Variants in NEB observed in about 807,000 individuals in gnomAD.
NEB encodes nebulin, also known as nemaline myopathy type 2.
Under a neutral mutation model 952.2 loss-of-function variants are expected in NEB, and 512 were observed. That is an observed-to-expected ratio of 0.54 (90% CI 0.50 to 0.58). The LOEUF is 0.58. Among genes scored for constraint, NEB ranks in the 20% least tolerant of loss-of-function variants. The pLI is 0.00. For synonymous variants in NEB, 2,900 were observed against 3,149.8 expected, an observed-to-expected ratio of 0.92 and a Z score of 2.66; for missense variants, 8,428 against 9,231.1, an observed-to-expected ratio of 0.91 and a Z score of 3.56.
chr2:151,521,858 GCCTT>G (rs1266072865), intron 153 of NEB, among the ~76,000 whole-genome samples: 3 of 152,112 alleles, frequency 2.0e-5, no homozygotes, highest in Non-Finnish European at 4.4e-5. Flanking sequence ...AGCACTTTTG[GCCTT>G]CCTTTTTGAC....
intron 24 of NEB, 129 bp from the exon 25 acceptor site, chr2:151,688,525 G>A (rs1043579463): frequency 5.7e-6 from 4 of 702,130 alleles, no homozygotes; most frequent in Admixed American, 2.1e-5. Flanking sequence ...TTCAGTCAAA[G>A]TCTCGCACAG....
Position 151,485,923 on chromosome 2 carries a change from C to T in NEB, c.25415G>A (p.Arg8472His), listed in dbSNP as rs368346105. The T allele has an allele frequency of 6.0e-5, 97 of 1,613,482 alleles. No individual in the cohort carries two copies. The highest frequency in any genetic ancestry group is 7.5e-5 in the Non-Finnish European group (89 of 1,179,754). Residue 8472 changes from arginine (R) to histidine (H), a missense_variant, in exon 182 of 182, where the codon CGT (arginine) becomes CAT (histidine). Physicochemically the swap from Arg to His is conservative, Grantham distance 29. Transcript: ENST00000397345. ...SHPSTAGKIF[R>H]AMYDYMAADA... Reference sequence around the variant, plus strand: ...AGCAGCCATATAGTCATACATGGCACGGAAGATTTTCTATTCGTGGGGATG... The same window carrying T: ...AGCAGCCATATAGTCATACATGGCATGGAAGATTTTCTATTCGTGGGGATG...
At chr2:151,649,348 T>C (rs1045855276) in intron 54 of NEB, among the ~76,000 whole-genome samples, 12 of 152,150 alleles carry the variant, frequency 7.9e-5, no homozygotes, top group African/African-American at 2.2e-4. Flanking sequence ...TATGGGCTTA[T>C]ATATTATATA....
intron 71 of NEB, 108 bp downstream of exon 71, chr2:151,625,426 C>T (rs2098504412): frequency 5.4e-6 from 4 of 745,764 alleles, no homozygotes; most frequent in Non-Finnish European, 8.1e-6. Context: ...GCATAAAAAG[C>T]CAACTAAGCT....
In NEB at chr2:151,546,305, GTGCGGGGGGTAATTATGCAT is replaced by G; in HGVS notation, c.20466+20_20466+39del. The G allele has an allele frequency of 6.6e-7, 1 of 1,505,664 alleles. No individual in the cohort carries two copies. The highest frequency in any genetic ancestry group is 9.2e-7 in the Non-Finnish European group (1 of 1,090,216). 93.3% of individuals were successfully genotyped at this position (1,505,664 alleles called of 1,614,324 possible). Reference sequence around the variant, plus strand: ...AGGCTGGTGATGGGGGCATCCAGCTGTGCGGGGGGTAATTATGCATTGTGATGATGTGCACTCACCCAGAG... The same window carrying G: ...AGGCTGGTGATGGGGGCATCCAGCTGTGTGATGATGTGCACTCACCCAGAG... On this transcript the variant is annotated intron_variant, in intron 134 of 181. Coordinates refer to ENST00000397345, the MANE Select transcript of NEB (RefSeq NM_001164508.2).
intron 131 of NEB, 65 bp from the exon 132 acceptor site, chr2:151,547,803 T>C: frequency 1.9e-6 from 2 of 1,061,628 alleles, no homozygotes; most frequent in Non-Finnish European, 2.8e-6. Context: ...TACTGACTAA[T>C]CAAGAATAAA....
intron 73 of NEB, among the ~76,000 whole-genome samples, chr2:151,619,040 A>G (rs535523032): frequency 1.2e-3 from 178 of 152,354 alleles, no homozygotes; most frequent in Admixed American, 2.6e-3. Context: ...TTTTCCCATC[A>G]GTAAGTATAA....
At chr2:151,502,962 G>T in intron 166 of NEB, 77 bp from the exon 167 acceptor site, 1 of 844,322 alleles carries the variant, frequency 1.2e-6, no homozygotes, top group South Asian at 1.6e-5. Context: ...ATGGGGGAAG[G>T]GGTTATATGT....
intron 138 of NEB, among the ~76,000 whole-genome samples, chr2:151,539,645 G>A (rs1182253697): frequency 6.6e-6 from 1 of 152,140 alleles, no homozygotes; most frequent in East Asian, 1.9e-4. Context: ...AACCCGTAAG[G>A]ATTGGCTATT....
intron 37 of NEB, among the ~76,000 whole-genome samples, chr2:151,671,740 T>C (rs1225804269): frequency 1.3e-5 from 2 of 152,236 alleles, no homozygotes; most frequent in Non-Finnish European, 2.9e-5. Flanking sequence ...ACCTAGGCTA[T>C]GCTTGAGCTC....
intron 12 of NEB, 100 bp from the exon 13 acceptor site, chr2:151,707,097 T>C (rs1393942613): frequency 1.4e-6 from 1 of 732,174 alleles, no homozygotes; most frequent in Non-Finnish European, 2.2e-6. Context: ...ATTTTCTCTT[T>C]AGAAAAATGG....
chr2:151,640,861 A>G (rs2098838077), intron 60 of NEB, among the ~76,000 whole-genome samples, 195 bp from the exon 61 acceptor site: 1 of 151,954 alleles, frequency 6.6e-6, no homozygotes, highest in Non-Finnish European at 1.5e-5. Flanking sequence ...TATAAAATAT[A>G]TACCATATAG....
intron 105 of NEB, among the ~76,000 whole-genome samples, chr2:151,578,211 GC>G (rs1430855484): frequency 1.3e-5 from 2 of 151,922 alleles, no homozygotes; most frequent in Admixed American, 1.3e-4. Context: ...AGTTTGAAGG[GC>G]GGAAAATACG....
chr2:151,531,231 A>G, intron 144 of NEB, 130 bp from the exon 145 acceptor site: 1 of 653,600 alleles, frequency 1.5e-6, no homozygotes, highest in Non-Finnish European at 2.7e-6. Context: ...AGGTGCTTTC[A>G]TGCTCTCTGC....
Position 151,525,961 on chromosome 2 carries a change from A to G in NEB, c.22158T>C (p.Ser7386=), listed in dbSNP as rs1393718783. 6.2e-7 allele frequency: 1 copy of G among 1,612,852 alleles called. No individual in the cohort carries two copies. Among genetic ancestry groups the G allele is most frequent in the South Asian group, 1.1e-5 (1 of 91,050 alleles). The part of the protein sequence containing the change: ...VHVKEVTKHV[S]DTNYKKKFVK... ...AGACCGGTGGTTGATCACTTACATC[A>G]CTGACATGCTTGGTCACTTCCTTGA... Residue 7386 remains serine (S), a synonymous_variant, in exon 150 of 182, where the codon AGT becomes AGC. Coordinates refer to ENST00000397345, the MANE Select transcript of NEB (RefSeq NM_001164508.2).
At chr2:151,704,522 C>A (rs1285426979) in intron 13 of NEB, among the ~76,000 whole-genome samples, 4 of 149,362 alleles carry the variant, frequency 2.7e-5, no homozygotes, top group South Asian at 2.1e-4. Context: ...ACTCCGTGGG[C>A]GTAGGACCCT....
In NEB at chr2:151,498,089, TAAA is replaced by T. The variant is rs1215126627; in HGVS notation, c.24207+168_24207+170del. 3 of 1,471,438 alleles carry T rather than the reference TAAA, an allele frequency of 2.0e-6. No homozygotes were observed. The African/African-American group carries it at 4.3e-5, about 21-fold the overall frequency. The allele number at this position is 1,471,438 out of a possible 1,614,324, so 91.1% of individuals were successfully genotyped here. A position where few individuals can be genotyped will look rare whatever the true frequency, so the allele number is the denominator to read the frequency against. ...GTTTGTTTGTAAATATCAGATGAAG[TAAA>T]AAATTGACATTAACTGTATTATAGA... On this transcript the variant is annotated intron_variant, in intron 170 of 181. Coordinates refer to ENST00000397345, the MANE Select transcript of NEB (RefSeq NM_001164508.2).
intron 169 of NEB, among the ~76,000 whole-genome samples, chr2:151,499,059 A>ATGTT (rs1490244356): frequency 6.6e-6 from 1 of 152,144 alleles, no homozygotes; most frequent in Non-Finnish European, 1.5e-5. Context: ...GACACTGAGA[A>ATGTT]TGTTACATTT....
Position 151,675,356 on chromosome 2 carries a change from A to C in NEB, c.3810T>G (p.His1270Gln). ...GAAGATCAGGACTCATGGTGTATTT[A>C]TGTTTCACATCTTCTCCTTTAGCCT... The part of the protein sequence containing the change: ...LYKAKGEDVK[H>Q]KYTMSPDLPQ... Residue 1270 changes from histidine to glutamine, a missense_variant, in exon 35 of 182, where the codon CAT (histidine) becomes CAG (glutamine). Around this residue, in one of 11 missense-constraint regions of NEB, gnomAD observed 2,851 missense variants for 2,791.5 expected, o/e 1.02. Transcript: ENST00000397345. The C allele has an allele frequency of 6.3e-7, 1 of 1,588,802 alleles. No homozygotes were observed. The highest frequency in any genetic ancestry group is 1.1e-5 in the South Asian group (1 of 87,116).
Sources: gnomAD v4.1 joint callset for allele counts (sites outside exome capture counted in the v4.1 genomes callset) on GRCh38, gnomAD v4.1.1 for gene constraint, gnomAD v4.1.1 regional missense constraint, MANE v1.5 for transcripts, NCBI Gene and HGNC (gene_info 2026-07-23, HGNC 2026-07-21) for gene names.